Variants in FBXL7 observed in about 807,000 individuals in gnomAD.
The protein encoded by FBXL7 is F-box and leucine rich repeat protein 7.
In FBXL7, 12 loss-of-function variants were observed where a neutral mutation model predicts 38.3. That is an observed-to-expected ratio of 0.31 (90% CI 0.20 to 0.51). The LOEUF (loss-of-function observed/expected upper bound fraction) is 0.51, where lower values mean the gene tolerates loss of function less well. FBXL7 is among the 20% of genes least tolerant of loss of function. The pLI is 0.98. For synonymous variants in FBXL7, 297 were observed against 300.9 expected, an observed-to-expected ratio of 0.99 and a Z score of 0.13; for missense variants, 567 against 676.4, an observed-to-expected ratio of 0.84 and a Z score of 1.79.
At chr5:15,821,300 A>C (rs1738163598) in intron 2 of FBXL7, among the ~76,000 whole-genome samples, 1 of 152,188 alleles carries the variant, frequency 6.6e-6, no homozygotes, top group South Asian at 2.1e-4. Context: ...TATTAGCATC[A>C]GTCTTCCTGT....
chr5:15,651,791 A>C (rs1025585079), intron 2 of FBXL7, among the ~76,000 whole-genome samples: 1 of 152,172 alleles, frequency 6.6e-6, no homozygotes, highest in Admixed American at 6.5e-5. Flanking sequence ...TAGCCTTTAA[A>C]ACTTAGAAGT....
chr5:15,920,624 G>C (rs994070901), intron 2 of FBXL7, among the ~76,000 whole-genome samples: 1 of 151,926 alleles, frequency 6.6e-6, no homozygotes, highest in Non-Finnish European at 1.5e-5. Context: ...GGGTTCAAGC[G>C]ATTCTCCTGC....
At chr5:15,709,682 A>G (rs925834407) in intron 2 of FBXL7, among the ~76,000 whole-genome samples, 1 of 151,932 alleles carries the variant, frequency 6.6e-6, no homozygotes, top group Non-Finnish European at 1.5e-5. Context: ...CTTCTGTCTT[A>G]GTTTGTTTAT....
At chr5:15,716,246 A>G (rs1328103553) in intron 2 of FBXL7, among the ~76,000 whole-genome samples, 3 of 152,214 alleles carry the variant, frequency 2.0e-5, no homozygotes, top group Non-Finnish European at 4.4e-5. Flanking sequence ...CATGCTGTAC[A>G]GACAATGTGA....
At chr5:15,505,095 C>T (rs1736609170) in intron 1 of FBXL7, among the ~76,000 whole-genome samples, 1 of 152,116 alleles carries the variant, frequency 6.6e-6, no homozygotes, top group African/African-American at 2.4e-5. Flanking sequence ...GAGCCATTTG[C>T]CTGAGAGCAT....
At chr5:15,752,489 C>T (rs989115021) in intron 2 of FBXL7, among the ~76,000 whole-genome samples, 7 of 151,904 alleles carry the variant, frequency 4.6e-5, no homozygotes, top group Non-Finnish European at 1.0e-4. Flanking sequence ...GTCAACAGAC[C>T]TCAGTTTCTC....
chr5:15,765,082 T>C (rs766212657), intron 2 of FBXL7, among the ~76,000 whole-genome samples: 5 of 152,196 alleles, frequency 3.3e-5, no homozygotes, highest in Admixed American at 6.5e-5. Context: ...GACATTTCCC[T>C]TAAATGGGAT....
chr5:15,512,572 C>G (rs1489793106), intron 1 of FBXL7, among the ~76,000 whole-genome samples: 1 of 152,200 alleles, frequency 6.6e-6, no homozygotes, highest in Non-Finnish European at 1.5e-5. Flanking sequence ...AGAAGTTTCT[C>G]TGGACATATG....
At chr5:15,545,894 T>C (rs1412742323) in intron 1 of FBXL7, among the ~76,000 whole-genome samples, 1 of 152,118 alleles carries the variant, frequency 6.6e-6, no homozygotes, top group Non-Finnish European at 1.5e-5. Flanking sequence ...TTGGGTAGAG[T>C]TGACATCTGC....
chr5:15,561,577 C>G (rs1484694232), intron 1 of FBXL7, among the ~76,000 whole-genome samples: 1 of 151,918 alleles, frequency 6.6e-6, no homozygotes. Flanking sequence ...GGATATATAC[C>G]CAGCAGGGAC....
chr5:15,801,464 A>T (rs982983924), intron 2 of FBXL7, among the ~76,000 whole-genome samples: 51 of 152,220 alleles, frequency 3.4e-4, no homozygotes, highest in African/African-American at 1.2e-3. Flanking sequence ...TTTCATTTTG[A>T]CAAGAAAAGC....
chr5:15,770,859 C>T (rs1404606280), intron 2 of FBXL7, among the ~76,000 whole-genome samples: 2 of 152,158 alleles, frequency 1.3e-5, no homozygotes, highest in East Asian at 3.9e-4. Flanking sequence ...CACCACACAG[C>T]CTCTGTTTGA....
intron 2 of FBXL7, among the ~76,000 whole-genome samples, chr5:15,798,748 T>A (rs1373371850): frequency 6.6e-6 from 1 of 152,212 alleles, no homozygotes; most frequent in Non-Finnish European, 1.5e-5. Context: ...GAACAAATGC[T>A]TCATCAGCCT....
intron 2 of FBXL7, among the ~76,000 whole-genome samples, chr5:15,808,113 C>T (rs1737764202): frequency 6.8e-6 from 1 of 147,836 alleles, no homozygotes; most frequent in South Asian, 2.2e-4. Flanking sequence ...CTCACATGCT[C>T]CTGAGGCCTG....
chr5:15,832,231 T>TTA (rs1738477215), intron 2 of FBXL7, among the ~76,000 whole-genome samples: 1 of 152,196 alleles, frequency 6.6e-6, no homozygotes, highest in African/African-American at 2.4e-5. Flanking sequence ...AGGAAGCTAT[T>TTA]TATGCTGCCT....
chr5:15,903,456 A>G (rs1042276100), intron 2 of FBXL7, among the ~76,000 whole-genome samples: 6 of 152,230 alleles, frequency 3.9e-5, no homozygotes, highest in African/African-American at 1.4e-4. Context: ...CTGACTAGCA[A>G]TAATTATTCC....
chr5:15,501,816 G>A, intron 1 of FBXL7: 1 of 900,104 alleles, frequency 1.1e-6, no homozygotes, highest in African/African-American at 1.8e-5. Flanking sequence ...TTTTCTTTAA[G>A]TCATTCTTTT....
chr5:15,822,084 G>C (rs1025305245), intron 2 of FBXL7, among the ~76,000 whole-genome samples: 2 of 151,874 alleles, frequency 1.3e-5, no homozygotes, highest in African/African-American at 4.8e-5. Flanking sequence ...CCAGTGTGGT[G>C]GCTCACACCT....
chr5:15,506,283 C>T (rs1023870710), intron 1 of FBXL7, among the ~76,000 whole-genome samples: 7 of 152,044 alleles, frequency 4.6e-5, no homozygotes, highest in African/African-American at 1.5e-4. Context: ...TCAATTCGAT[C>T]ACCGAGATGG....
Sources: allele counts gnomAD v4.1 joint callset (sites outside exome capture counted in the v4.1 genomes callset), GRCh38; gene constraint gnomAD v4.1.1; transcripts MANE v1.5; gene names NCBI Gene and HGNC (gene_info 2026-07-23, HGNC 2026-07-21).